ARID5B: variants seen among roughly 807,000 people sequenced by gnomAD.
ARID5B encodes AT-rich interactive domain-containing protein 5B.
A neutral mutation model predicts 97.2 loss-of-function variants in ARID5B; 13 were observed. That is an observed-to-expected ratio of 0.13 (90% CI 0.09 to 0.21). The LOEUF is 0.21. ARID5B is among the 10% of genes least tolerant of loss of function. ARID5B has a pLI of 1.00. For missense variants in ARID5B, 1,210 were observed against 1,465.3 expected (o/e 0.83, Z 2.84); for synonymous variants, 556 against 570.3 (o/e 0.97, Z 0.36).
chr10:61,999,683 TA>T (rs1839050185), intron 3 of ARID5B, among the ~76,000 whole-genome samples: 1 of 152,188 alleles, frequency 6.6e-6, no homozygotes, highest in African/African-American at 2.4e-5. Context: ...TATAATCCAA[TA>T]TAAGAGCAAT....
At chr10:61,910,800 T>C (rs1843790618) in intron 2 of ARID5B, among the ~76,000 whole-genome samples, 1 of 152,226 alleles carries the variant, frequency 6.6e-6, no homozygotes, top group Non-Finnish European at 1.5e-5. Context: ...TAAAGATGGA[T>C]ATTTGACATT....
At chr10:62,002,075 G>A (rs899625470) in intron 4 of ARID5B, among the ~76,000 whole-genome samples, 2 of 152,138 alleles carry the variant, frequency 1.3e-5, no homozygotes, top group Non-Finnish European at 2.9e-5. Context: ...AAAACTGAAA[G>A]CATGTGTTCC....
In ARID5B at chr10:61,984,803, T is replaced by C. The variant is rs74156301; in HGVS notation, c.503-15288T>C. Among the ~76,000 whole-genome samples, 689 of 152,266 alleles carry C rather than the reference T, an allele frequency of 4.5e-3. 3 individuals carry two copies. The highest frequency in any genetic ancestry group is 0.016 in the African/African-American group (659 of 41,554). The stretch of plus-strand genomic sequence containing the variant: ...ACCTAAATTCCAGAGTCCTCACTGG[T>C]TCATACCAGTTACAGCCCTGGGGAC... On this transcript the variant is annotated intron_variant, in intron 3 of 9. Transcript: ENST00000279873.
At chr10:62,023,357 T>A (rs746763550) in intron 4 of ARID5B, among the ~76,000 whole-genome samples, 3 of 152,230 alleles carry the variant, frequency 2.0e-5, no homozygotes, top group Non-Finnish European at 4.4e-5. Context: ...TGAGTGGGCC[T>A]GAAAGAAGTA....
intron 8 of ARID5B, among the ~76,000 whole-genome samples, chr10:62,082,346 G>C (rs1840224226): frequency 6.6e-6 from 1 of 152,184 alleles, no homozygotes; most frequent in Non-Finnish European, 1.5e-5. Flanking sequence ...TGTAGATCAG[G>C]AAGGGGAAAA....
chr10:61,923,405 C>G (rs981762323), intron 2 of ARID5B, among the ~76,000 whole-genome samples: 4 of 152,210 alleles, frequency 2.6e-5, no homozygotes, highest in African/African-American at 9.7e-5. Context: ...CTATCTGGCT[C>G]TTCTACCCAG....
chr10:61,990,859 C>A (rs1272122859), intron 3 of ARID5B, among the ~76,000 whole-genome samples: 1 of 152,262 alleles, frequency 6.6e-6, no homozygotes, highest in Middle Eastern at 3.4e-3. Context: ...ATTTCTAGAA[C>A]TTTTTCACCA....
At position 62,093,823 on chromosome 10, in the gene ARID5B, T is replaced by G. The variant is rs1840425516; in HGVS notation, c.*793T>G. On this transcript the variant is annotated 3_prime_UTR_variant, in exon 10 of 10. Coordinates refer to ENST00000279873, the MANE Select transcript of ARID5B (RefSeq NM_032199.3). ...GGGTGGTAAAGTTATTGTTTACAAATTGAAGCAACTGATTCTAGTGGAACA... is the reference window on the plus strand; with the variant it reads ...GGGTGGTAAAGTTATTGTTTACAAAGTGAAGCAACTGATTCTAGTGGAACA... The G allele has an allele frequency of 8.6e-6, 2 of 233,518 alleles. No homozygotes were observed. Among genetic ancestry groups the G allele is most frequent in the Non-Finnish European group, 1.7e-5 (2 of 118,036 alleles). 14.5% of individuals were successfully genotyped at this position (233,518 alleles called of 1,614,324 possible). A position where few individuals can be genotyped will look rare whatever the true frequency, so the allele number is the denominator to read the frequency against.
chr10:62,017,048 C>T (rs1839292735), intron 4 of ARID5B, among the ~76,000 whole-genome samples: 1 of 152,060 alleles, frequency 6.6e-6, no homozygotes, highest in Non-Finnish European at 1.5e-5. Context: ...TAAACTTCCT[C>T]AAAACAAAAA....
intron 4 of ARID5B, among the ~76,000 whole-genome samples, chr10:62,034,421 A>G (rs995932231): frequency 6.6e-6 from 1 of 152,182 alleles, no homozygotes; most frequent in African/African-American, 2.4e-5. Context: ...ACATAGTTAC[A>G]TCCCCTCTGT....
intron 4 of ARID5B, among the ~76,000 whole-genome samples, chr10:62,047,976 G>A (rs1316326708): frequency 3.9e-5 from 6 of 152,180 alleles, no homozygotes; most frequent in African/African-American, 1.4e-4. Context: ...CAGGGTGTTT[G>A]TGCATTGCAT....
intron 4 of ARID5B, among the ~76,000 whole-genome samples, chr10:62,039,703 C>T (rs562903812): frequency 3.2e-4 from 48 of 152,342 alleles, no homozygotes; most frequent in Non-Finnish European, 6.0e-4. Flanking sequence ...TTTTTTGGTG[C>T]TAAGAATGAT....
At chr10:61,993,663 T>C (rs1278945534) in intron 3 of ARID5B, among the ~76,000 whole-genome samples, 2 of 151,998 alleles carry the variant, frequency 1.3e-5, no homozygotes, top group East Asian at 3.8e-4. Flanking sequence ...GGACAGAAAA[T>C]AGGAAATGCC....
chr10:62,074,340 T>C (rs1318083562), intron 8 of ARID5B, among the ~76,000 whole-genome samples: 1 of 152,230 alleles, frequency 6.6e-6, no homozygotes, highest in African/African-American at 2.4e-5. Flanking sequence ...TCCAACCTTT[T>C]GCTTTTACCA....
chr10:62,010,409 C>T (rs1156844511), intron 4 of ARID5B, among the ~76,000 whole-genome samples: 1 of 152,224 alleles, frequency 6.6e-6, no homozygotes, highest in Non-Finnish European at 1.5e-5. Flanking sequence ...CTTCGCTAGA[C>T]TCTAAGCTCC....
chr10:61,992,789 A>G (rs1838944698), intron 3 of ARID5B, among the ~76,000 whole-genome samples: 1 of 151,998 alleles, frequency 6.6e-6, no homozygotes, highest in African/African-American at 2.4e-5. Flanking sequence ...CCAGTTCTGT[A>G]TGGCTAGTTC....
intron 6 of ARID5B, among the ~76,000 whole-genome samples, 159 bp from the exon 7 acceptor site, chr10:62,059,084 T>C (rs1839891397): frequency 6.6e-6 from 1 of 152,224 alleles, no homozygotes; most frequent in African/African-American, 2.4e-5. Context: ...TGTTGTCAAA[T>C]GCCCTTTGGG....
chr10:62,010,183 G>A lies in ARID5B; in HGVS notation c.733+9862G>A, dbSNP rs557519710. ...TCCCTTGGGCCTATGAGAAAGAAAA[G>A]GAGAGAGGCACCAATTTTGCAGCAG... On this transcript the variant is annotated intron_variant, in intron 4 of 9. Transcript: ENST00000279873. Among the ~76,000 whole-genome samples the A allele has an allele frequency of 2.0e-5, 3 of 152,292 alleles. No homozygotes were observed. In the South Asian group the frequency reaches 6.2e-4, roughly 32 times the overall value.
intron 3 of ARID5B, among the ~76,000 whole-genome samples, chr10:61,974,991 G>A (rs1838680330): frequency 6.6e-6 from 1 of 151,220 alleles, no homozygotes; most frequent in Non-Finnish European, 1.5e-5. Context: ...TAGCATTGTT[G>A]GTAGGCTTTT....
Sources: gnomAD v4.1 joint callset for allele counts (sites outside exome capture counted in the v4.1 genomes callset) on GRCh38, gnomAD v4.1.1 for gene constraint, MANE v1.5 for transcripts, NCBI Gene and HGNC (gene_info 2026-07-23, HGNC 2026-07-21) for gene names.